Variants in OSGIN2 observed in about 807,000 individuals in gnomAD.
OSGIN2 encodes oxidative stress induced growth inhibitor family member 2.
A neutral mutation model predicts 53.8 loss-of-function variants in OSGIN2; 19 were observed. The ratio of observed to expected loss-of-function variants is 0.35; its 90% confidence interval spans 0.25 to 0.52. OSGIN2 has a LOEUF of 0.52. OSGIN2 is among the 20% of genes least tolerant of loss of function. OSGIN2 has a pLI of 0.95. For missense variants in OSGIN2, 520 were observed against 662.7 expected (o/e 0.78, Z 2.36); for synonymous variants, 236 against 236.0 (o/e 1.00, Z 0.00).
Position 89,924,829 on chromosome 8 carries a change from A to G in OSGIN2, c.947A>G (p.Glu316Gly), listed in dbSNP as rs772374009. The G allele has an allele frequency of 1.2e-6, 2 of 1,614,116 alleles. No homozygotes were observed. Among genetic ancestry groups the G allele is most frequent in the Admixed American group, 3.3e-5 (2 of 60,012 alleles). Residue 316 changes from glutamate to glycine, a missense_variant, in exon 6 of 6, where the codon GAA becomes GGA. Glu to Gly is a moderately conservative substitution (Grantham distance 98). Coordinates refer to ENST00000451899, the MANE Select transcript of OSGIN2 (RefSeq NM_001126111.3). ...ACGCTGGATTCTCCTGCCCATCTGG[A>G]AATTGAAGGGGAAGATTTTCCTTTT... is the stretch of plus-strand genomic sequence containing the variant. ...TGTLDSPAHLEIEGEDFPFVF... is the reference protein window; with the variant it reads ...TGTLDSPAHLGIEGEDFPFVF...
intron 2 of OSGIN2, among the ~76,000 whole-genome samples, chr8:89,913,772 A>G (rs1213380935): frequency 2.0e-5 from 3 of 152,244 alleles, no homozygotes; most frequent in Non-Finnish European, 4.4e-5. Context: ...TTAGTGGGCC[A>G]TTCTATCAGG....
At position 89,924,815 on chromosome 8, in the gene OSGIN2, T is replaced by C; in HGVS notation, c.933T>C (p.Ser311=). The C allele has an allele frequency of 6.2e-7, 1 of 1,614,200 alleles. No homozygotes were observed. The highest frequency in any genetic ancestry group is 8.5e-7 in the Non-Finnish European group (1 of 1,180,016). The part of the protein sequence containing the change: ...NVALATGTLD[S]PAHLEIEGED... ...CGCTGGCAACTGGAACGCTGGATTC[T>C]CCTGCCCATCTGGAAATTGAAGGGG... The change falls in exon 6 of 6, where the codon TCT becomes TCC. Residue 311 remains serine, a synonymous_variant. Coordinates refer to ENST00000451899, the MANE Select transcript of OSGIN2 (RefSeq NM_001126111.3).
chr8:89,912,730 G>A (rs1808992800), intron 2 of OSGIN2, among the ~76,000 whole-genome samples: 1 of 151,616 alleles, frequency 6.6e-6, no homozygotes, highest in Non-Finnish European at 1.5e-5. Flanking sequence ...TGGTGACACA[G>A]CGAGACTCTG....
At chr8:89,906,871 C>G (rs1313654102) in intron 1 of OSGIN2, among the ~76,000 whole-genome samples, 18 of 152,110 alleles carry the variant, frequency 1.2e-4, no homozygotes, top group Non-Finnish European at 1.5e-4. Context: ...TCCACAATGG[C>G]TGAACTAATA....
intron 1 of OSGIN2, among the ~76,000 whole-genome samples, chr8:89,907,568 G>A (rs1430504799): frequency 1.3e-5 from 2 of 152,108 alleles, no homozygotes; most frequent in Admixed American, 1.3e-4. Flanking sequence ...AGATCAGATA[G>A]TTGCAGGTGT....
intron 2 of OSGIN2, among the ~76,000 whole-genome samples, chr8:89,911,422 G>C (rs1042675921): frequency 6.6e-6 from 1 of 152,014 alleles, no homozygotes; most frequent in Non-Finnish European, 1.5e-5. Context: ...CTGAGCACAG[G>C]AGTTCGAGAC....
Position 89,927,408 on chromosome 8 carries a change from G to A in OSGIN2, c.*1876G>A, listed in dbSNP as rs1032087185. 1 of 152,036 alleles carries A rather than the reference G, an allele frequency of 6.6e-6. No homozygotes were observed. Among genetic ancestry groups the A allele is most frequent in the African/African-American group, 2.4e-5 (1 of 41,396 alleles). The allele number at this position is 152,036 out of a possible 1,614,324, so 9.4% of individuals were successfully genotyped here. A position where few individuals can be genotyped will look rare whatever the true frequency, so the allele number is the denominator to read the frequency against. ...TTTCCTGAGTTCTTCCTCAATCCAA[G>A]CTGTCCTGTGTAGTATATAACATTT... On this transcript the variant is annotated 3_prime_UTR_variant, in exon 6 of 6. Transcript: ENST00000451899.
chr8:89,905,206 C>G (rs1346184641), intron 1 of OSGIN2, among the ~76,000 whole-genome samples: 2 of 152,134 alleles, frequency 1.3e-5, no homozygotes, highest in East Asian at 3.9e-4. Context: ...GTTTCAAAAA[C>G]AAAAAATGGA....
chr8:89,921,245 G>T (rs1013454402), intron 5 of OSGIN2, 74 bp downstream of exon 5: 2 of 836,118 alleles, frequency 2.4e-6, no homozygotes, highest in African/African-American at 3.4e-5. Flanking sequence ...CAAAATATTT[G>T]TGATTTTGTC....
intron 4 of OSGIN2, among the ~76,000 whole-genome samples, chr8:89,915,942 A>C (rs1313278501): frequency 2.0e-5 from 3 of 152,136 alleles, no homozygotes; most frequent in Admixed American, 1.3e-4. Context: ...TTACTTTTTC[A>C]TATCAACTTT....
chr8:89,915,115 TAAATGAA>T (rs1249878680), intron 4 of OSGIN2, among the ~76,000 whole-genome samples: 1 of 152,234 alleles, frequency 6.6e-6, no homozygotes, highest in African/African-American at 2.4e-5. Flanking sequence ...TTCAGAATCT[TAAATGAA>T]AAATGTAAAA....
At chr8:89,903,764 AAT>A (rs934326731) in intron 1 of OSGIN2, among the ~76,000 whole-genome samples, 2 of 152,354 alleles carry the variant, frequency 1.3e-5, no homozygotes, top group South Asian at 2.1e-4. Flanking sequence ...GAGATCATAA[AAT>A]ATGTTTATAT....
At chr8:89,904,606 G>A (rs565459457) in intron 1 of OSGIN2, among the ~76,000 whole-genome samples, 2 of 152,074 alleles carry the variant, frequency 1.3e-5, no homozygotes, top group South Asian at 4.1e-4. Flanking sequence ...AGCAGTTTCA[G>A]GTCAGTTCAG....
At chr8:89,913,430 GAAAC>G (rs1170284502) in intron 2 of OSGIN2, among the ~76,000 whole-genome samples, 4 of 151,868 alleles carry the variant, frequency 2.6e-5, no homozygotes, top group African/African-American at 9.7e-5. Context: ...TGGATAGTCA[GAAAC>G]AAACAATGAA....
At chr8:89,923,541 C>T (rs1050105230) in intron 5 of OSGIN2, among the ~76,000 whole-genome samples, 1 of 152,180 alleles carries the variant, frequency 6.6e-6, no homozygotes, top group South Asian at 2.1e-4. Context: ...CTGTTTTTCA[C>T]TTTCAGTATA....
At chr8:89,904,051 A>G (rs970867554) in intron 1 of OSGIN2, among the ~76,000 whole-genome samples, 4 of 152,242 alleles carry the variant, frequency 2.6e-5, no homozygotes, top group African/African-American at 9.6e-5. Context: ...AAGCTTGTCT[A>G]ACCTCTCAGT....
In OSGIN2 at chr8:89,925,286, T is replaced by C; in HGVS notation, c.1404T>C (p.Asp468=). 2 of 1,614,168 alleles carry C rather than the reference T, an allele frequency of 1.2e-6. No individual in the cohort carries two copies. The highest frequency in any genetic ancestry group is 8.5e-7 in the Non-Finnish European group (1 of 1,180,008). ...GSHPNLSFLK[D]QGCYLGHKSS... is the part of the protein sequence containing the mutation. Reference sequence around the variant, plus strand: ...ATCCTAATCTGTCTTTTCTGAAGGATCAAGGGTGTTACCTAGGCCATAAGT... The same window carrying C: ...ATCCTAATCTGTCTTTTCTGAAGGACCAAGGGTGTTACCTAGGCCATAAGT... The change falls in exon 6 of 6, where the codon GAT becomes GAC. Residue 468 remains aspartate, a synonymous_variant. Coordinates refer to ENST00000451899, the MANE Select transcript of OSGIN2 (RefSeq NM_001126111.3).
chr8:89,906,680 T>C (rs1009418817), intron 1 of OSGIN2, among the ~76,000 whole-genome samples: 2 of 152,216 alleles, frequency 1.3e-5, no homozygotes, highest in Admixed American at 6.5e-5. Context: ...CAGTCTATCA[T>C]TGATGGGTGT....
intron 1 of OSGIN2, among the ~76,000 whole-genome samples, chr8:89,907,828 T>C (rs1475819162): frequency 1.3e-5 from 2 of 152,238 alleles, no homozygotes; most frequent in Admixed American, 1.3e-4. Context: ...AATAGCATTG[T>C]ATCTATAAAT....
Sources: gnomAD v4.1 joint callset for allele counts (sites outside exome capture counted in the v4.1 genomes callset) on GRCh38, gnomAD v4.1.1 for gene constraint, MANE v1.5 for transcripts, NCBI Gene and HGNC (gene_info 2026-07-23, HGNC 2026-07-21) for gene names.